TOP6BL: variants seen among roughly 807,000 people sequenced by gnomAD.
TOP6BL encodes the protein TOP6B like initiator of meiotic double strand breaks, also known as type 2 DNA topoisomerase 6 subunit B-like.
chr11:66,752,555 G>A, the TOP6BL span, among the ~76,000 whole-genome samples: 3 of 151,978 alleles, frequency 2.0e-5, no homozygotes, highest in African/African-American at 7.3e-5. Flanking sequence ...GGGTTCAAGT[G>A]ATTCTCCTGC....
chr11:66,764,090 T>C, the TOP6BL span, among the ~76,000 whole-genome samples: 2 of 152,188 alleles, frequency 1.3e-5, no homozygotes, highest in African/African-American at 4.8e-5. Context: ...CTAGTGAAGA[T>C]ACCTTAATTA....
chr11:66,750,927 A>AC, the TOP6BL span, among the ~76,000 whole-genome samples: 2 of 149,426 alleles, frequency 1.3e-5, no homozygotes, highest in Non-Finnish European at 3.0e-5. Context: ...CTGGTCTGAA[A>AC]CCCCTGGGCT....
the TOP6BL span, among the ~76,000 whole-genome samples, chr11:66,747,291 G>T: frequency 6.6e-6 from 1 of 152,030 alleles, no homozygotes; most frequent in Non-Finnish European, 1.5e-5. Context: ...AATATTGTGT[G>T]TAGTCTTTAC....
chr11:66,838,297 C>A, the TOP6BL span: 1 of 1,375,976 alleles, frequency 7.3e-7, no homozygotes. Context: ...AGCCACCAGG[C>A]ACACTCCTGT....
At chr11:66,772,293 G>T in the TOP6BL span, among the ~76,000 whole-genome samples, 1 of 152,070 alleles carries the variant, frequency 6.6e-6, no homozygotes, top group African/African-American at 2.4e-5. Context: ...ACATAGCAAG[G>T]CCCCATATCT....
At chr11:66,822,823 G>T in the TOP6BL span, 1 of 611,422 alleles carries the variant, frequency 1.6e-6, no homozygotes, top group Non-Finnish European at 2.9e-6. Context: ...GGGCAACACA[G>T]GGAGACCCTG....
At chr11:66,755,395 A>G in the TOP6BL span, among the ~76,000 whole-genome samples, 1 of 152,190 alleles carries the variant, frequency 6.6e-6, no homozygotes, top group African/African-American at 2.4e-5. Context: ...TGCTGGGATT[A>G]CAGGCATGAG....
chr11:66,745,026 G>A, the TOP6BL span: 5 of 1,149,458 alleles, frequency 4.3e-6, no homozygotes, highest in Non-Finnish European at 5.5e-6. Flanking sequence ...CTAAGGTGAA[G>A]GAGGAAGGTT....
chr11:66,768,251 A>T, the TOP6BL span, among the ~76,000 whole-genome samples: 6 of 151,928 alleles, frequency 3.9e-5, no homozygotes, highest in African/African-American at 7.3e-5. Flanking sequence ...TGACGTAATC[A>T]AGTTTTTTTT....
At chr11:66,816,005 C>CA in the TOP6BL span, 5 of 1,518,100 alleles carry the variant, frequency 3.3e-6, no homozygotes, top group Non-Finnish European at 4.5e-6. Context: ...CTTTGTATTT[C>CA]AAGAGCTTTA....
At chr11:66,744,884 C>T in the TOP6BL span, 2 of 1,291,038 alleles carry the variant, frequency 1.5e-6, no homozygotes, top group South Asian at 2.9e-5. Context: ...CTGTTCCCTG[C>T]GCGGCATGGA....
At chr11:66,774,414 T>C in the TOP6BL span, among the ~76,000 whole-genome samples, 3 of 152,106 alleles carry the variant, frequency 2.0e-5, no homozygotes, top group East Asian at 1.9e-4. Context: ...CTCTCCTCCT[T>C]GTTTTTCTTT....
the TOP6BL span, chr11:66,815,815 AGTGCTGT>A: frequency 1.5e-5 from 6 of 398,730 alleles, no homozygotes; most frequent in South Asian, 6.0e-5. Flanking sequence ...AATGTAAAGG[AGTGCTGT>A]TTGGCTTGCA....
the TOP6BL span, chr11:66,771,343 G>A: frequency 6.6e-6 from 1 of 151,836 alleles, no homozygotes; most frequent in Non-Finnish European, 1.5e-5. Flanking sequence ...GGCTGGGCGT[G>A]GTGGCTCACG....
the TOP6BL span, chr11:66,843,227 G>C: frequency 6.2e-7 from 1 of 1,609,722 alleles, no homozygotes; most frequent in Non-Finnish European, 8.5e-7. Context: ...CCCAGCCCTG[G>C]GCCCTGAGCC....
At chr11:66,832,502 G>A in the TOP6BL span, among the ~76,000 whole-genome samples, 24 of 152,170 alleles carry the variant, frequency 1.6e-4, no homozygotes, top group Non-Finnish European at 2.8e-4. Flanking sequence ...AAGTTTAGGT[G>A]CCCAGGCACC....
At chr11:66,745,152 A>G in the TOP6BL span, among the ~76,000 whole-genome samples, 1 of 152,076 alleles carries the variant, frequency 6.6e-6, no homozygotes, top group Non-Finnish European at 1.5e-5. Context: ...ACGGCTCAGA[A>G]AGCTGCGGCG....
chr11:66,805,236 AAAAAAT>A, the TOP6BL span, among the ~76,000 whole-genome samples: 1 of 152,166 alleles, frequency 6.6e-6, no homozygotes, highest in African/African-American at 2.4e-5. Context: ...TCTGCCTCAG[AAAAAAT>A]AAAAATAAAA....
At chr11:66,832,902 T>C in the TOP6BL span, among the ~76,000 whole-genome samples, 1 of 152,158 alleles carries the variant, frequency 6.6e-6, no homozygotes. Context: ...TTCCAAAGTT[T>C]CTAGAGGAGA....
Sources: gnomAD v4.1 joint callset for allele counts (sites outside exome capture counted in the v4.1 genomes callset) on GRCh38, gnomAD v4.1.1 for gene constraint, MANE v1.5 for transcripts, NCBI Gene and HGNC (gene_info 2026-07-23, HGNC 2026-07-21) for gene names.